Variants in KCNQ3 observed in about 807,000 individuals in gnomAD.
The protein encoded by KCNQ3 is potassium voltage-gated channel subfamily Q member 3, also known as potassium voltage-gated channel subfamily KQT member 3.
A neutral mutation model predicts 92.5 loss-of-function variants in KCNQ3; 30 were observed. The observed-to-expected ratio is 0.32, with a 90% CI of 0.24 to 0.44. KCNQ3 has a LOEUF of 0.44. Ranked by LOEUF, KCNQ3 falls within the 20% of genes least tolerant of loss-of-function variation. The pLI, the probability that KCNQ3 is intolerant of heterozygous loss-of-function variation, is 1.00. For missense variants in KCNQ3, 913 were observed against 1,140.3 expected, an observed-to-expected ratio of 0.80 and a Z score of 2.87; for synonymous variants, 450 against 468.8, an observed-to-expected ratio of 0.96 and a Z score of 0.52.
intron 9 of KCNQ3, among the ~76,000 whole-genome samples, chr8:132,146,672 C>T (rs1825459390): frequency 6.6e-6 from 1 of 151,632 alleles, no homozygotes; most frequent in Admixed American, 6.6e-5. Flanking sequence ...TGGCTCACTG[C>T]AACCTCTGCT....
intron 1 of KCNQ3, among the ~76,000 whole-genome samples, chr8:132,256,643 T>G (rs551298206): frequency 5.3e-5 from 8 of 152,104 alleles, no homozygotes; most frequent in Non-Finnish European, 1.0e-4. Context: ...CTCAATAAGA[T>G]TAACAGTTGA....
rs747235713 is a variant in KCNQ3 at position 132,129,542 on chromosome 8, C to T, written c.2339G>A (p.Arg780His). 1.2e-5 allele frequency: 19 copies of T among 1,614,074 alleles called. No individual in the cohort carries two copies. Among genetic ancestry groups the T allele is most frequent in the African/African-American group, 5.3e-5 (4 of 74,934 alleles). ...TGTGTCACTGTCTCGCGTGATGCTA[C>T]GTCTCTGCCGGGGGGAGATTCGGTC... ...YSDRISPRQR[R>H]SITRDSDTPL... The change falls in exon 15 of 15, where the codon CGT becomes CAT. Residue 780 changes from arginine to histidine, a missense_variant. By Grantham distance (29) the Arg-to-His change is conservative. Around this residue, in one of 6 missense-constraint regions of KCNQ3, gnomAD observed 375 missense variants for 376.4 expected, o/e 1.00. Coordinates refer to ENST00000388996, the MANE Select transcript of KCNQ3 (RefSeq NM_004519.4). This position sits in a 1 kb window ranked among gnomAD's most constrained non-coding sequence, Gnocchi z 5.9.
At chr8:132,382,837 C>T (rs1819790039) in intron 1 of KCNQ3, among the ~76,000 whole-genome samples, 1 of 152,130 alleles carries the variant, frequency 6.6e-6, no homozygotes, top group African/African-American at 2.4e-5. Flanking sequence ...AGCCTGCACC[C>T]GGATCCTGGT....
chr8:132,227,297 T>A (rs1174066067), intron 1 of KCNQ3, among the ~76,000 whole-genome samples: 1 of 152,092 alleles, frequency 6.6e-6, no homozygotes, highest in East Asian at 1.9e-4. Context: ...CCTGATCTCA[T>A]GATCTTCCCG....
At chr8:132,286,930 C>T (rs1816695225) in intron 1 of KCNQ3, among the ~76,000 whole-genome samples, 1 of 152,154 alleles carries the variant, frequency 6.6e-6, no homozygotes, top group African/African-American at 2.4e-5. Flanking sequence ...CATTAGCTTG[C>T]TCATCCTTCC....
chr8:132,182,079 A>C (rs914982723), intron 3 of KCNQ3, among the ~76,000 whole-genome samples: 10 of 151,044 alleles, frequency 6.6e-5, no homozygotes, highest in Non-Finnish European at 1.0e-4. Flanking sequence ...CAAAAAAAAA[A>C]CACCAAAAAG....
chr8:132,389,141 A>G (rs1399733954), intron 1 of KCNQ3, among the ~76,000 whole-genome samples: 1 of 152,226 alleles, frequency 6.6e-6, no homozygotes, highest in Non-Finnish European at 1.5e-5. Flanking sequence ...TAACTGATCA[A>G]TCTCACTGCA....
intron 1 of KCNQ3, among the ~76,000 whole-genome samples, chr8:132,297,684 G>A (rs1817085246): frequency 6.6e-6 from 1 of 152,184 alleles, no homozygotes; most frequent in Non-Finnish European, 1.5e-5. Context: ...TGAATGTGAT[G>A]AAGGGTCATT....
intron 1 of KCNQ3, among the ~76,000 whole-genome samples, chr8:132,466,798 T>A (rs1470029981): frequency 6.6e-6 from 1 of 152,194 alleles, no homozygotes; most frequent in Non-Finnish European, 1.5e-5. Context: ...CAAGCCCATA[T>A]AAACACACAG....
rs868425061 is a variant in KCNQ3, at chr8:132,480,670, A to C, written c.-138T>G. ...TGCCATGATCCGCGCGCCCCTCCCC[A>C]CCCCCCCCCAAAAGCAGGCAAAGGC... On this transcript the variant is annotated 5_prime_UTR_variant, in exon 1 of 15. Transcript: ENST00000388996. 6,028 of 726,858 alleles carry C rather than the reference A, an allele frequency of 8.3e-3. 9 individuals carry two copies. Among genetic ancestry groups the C allele is most frequent in the Admixed American group, 0.043 (665 of 15,354 alleles). The allele number at this position is 726,858 out of a possible 1,614,324, so 45.0% of individuals were successfully genotyped here. A position where few individuals can be genotyped will look rare whatever the true frequency, so the allele number is the denominator to read the frequency against.
rs569530336 is a variant in KCNQ3 at position 132,285,507 on chromosome 8, G to T, written c.387-99326C>A. ...TAGCATATCTGGCAGAAATTTTTAA[G>T]TAGCAAAGTGCTCAGGCAGATGTAT... On this transcript the variant is annotated intron_variant, in intron 1 of 14. Transcript: ENST00000388996. Among the ~76,000 whole-genome samples, 6 of 152,332 alleles carry T rather than the reference G, an allele frequency of 3.9e-5. No homozygotes were observed. The East Asian group carries it at 9.7e-4, about 25-fold the overall frequency.
At chr8:132,137,023 C>A (rs1348434211) in intron 12 of KCNQ3, among the ~76,000 whole-genome samples, 1 of 106,536 alleles carries the variant, frequency 9.4e-6, no homozygotes, top group African/African-American at 3.5e-5. Context: ...CACCACCATG[C>A]CTGGATTTTT....
Position 132,154,193 on chromosome 8 carries a change from G to GTTTTTTTTTT in KCNQ3, c.1262+9265_1262+9274dup, listed in dbSNP as rs869112851. On this transcript the variant is annotated intron_variant, in intron 9 of 14. Transcript: ENST00000388996. ...CTGATGTACCATCAAAAGGGTAAAAGTTTTTTTTTTTTTTTTTTTTTTTTT... is the reference window on the plus strand; with the variant it reads ...CTGATGTACCATCAAAAGGGTAAAAGTTTTTTTTTTTTTTTTTTTTTTTTTTTTTTTTTTT... Among the ~76,000 whole-genome samples, 32 of 27,454 alleles carry GTTTTTTTTTT rather than the reference G, an allele frequency of 1.2e-3. 1 individual carries two copies. The highest frequency in any genetic ancestry group is 1.6e-3 in the African/African-American group (11 of 6,748). 18.0% of individuals were successfully genotyped at this position (27,454 alleles called of 152,430 possible).
intron 3 of KCNQ3, among the ~76,000 whole-genome samples, chr8:132,182,011 C>T (rs372369156): frequency 6.6e-6 from 1 of 150,576 alleles, no homozygotes; most frequent in African/African-American, 2.4e-5. Flanking sequence ...TGCCACTGCA[C>T]TCCAGCCTGG....
intron 9 of KCNQ3, among the ~76,000 whole-genome samples, chr8:132,159,904 C>T (rs1411624529): frequency 2.0e-5 from 3 of 152,168 alleles, no homozygotes; most frequent in Non-Finnish European, 4.4e-5. Flanking sequence ...CACTGTCTCA[C>T]AAAGTTAATA....
chr8:132,459,756 C>A (rs1441416599), intron 1 of KCNQ3, among the ~76,000 whole-genome samples: 3 of 145,112 alleles, frequency 2.1e-5, no homozygotes, highest in Non-Finnish European at 4.5e-5. Flanking sequence ...TTTTTTAATT[C>A]CCTTTTCATA....
chr8:132,171,401 A>G (rs916504185), intron 7 of KCNQ3, among the ~76,000 whole-genome samples: 2 of 152,018 alleles, frequency 1.3e-5, no homozygotes, highest in Non-Finnish European at 2.9e-5. Context: ...TAGACAGGAC[A>G]CTCTGCTTTC....
At chr8:132,360,028 C>T (rs1819123096) in intron 1 of KCNQ3, among the ~76,000 whole-genome samples, 1 of 152,200 alleles carries the variant, frequency 6.6e-6, no homozygotes, top group Admixed American at 6.5e-5. Context: ...CCCTTGACTT[C>T]TGGTTCTCAC....
At chr8:132,162,849 G>C (rs1263942370) in intron 9 of KCNQ3, among the ~76,000 whole-genome samples, 1 of 152,176 alleles carries the variant, frequency 6.6e-6, no homozygotes, top group Non-Finnish European at 1.5e-5. Flanking sequence ...AGCACTAGGA[G>C]GAGAGCATTT....
Sources: allele counts gnomAD v4.1 joint callset (sites outside exome capture counted in the v4.1 genomes callset), GRCh38; gene constraint gnomAD v4.1.1; regional missense constraint gnomAD v4.1.1; non-coding constraint Gnocchi (gnomAD v3.1); transcripts MANE v1.5; gene names NCBI Gene and HGNC (gene_info 2026-07-23, HGNC 2026-07-21).